PRRC2B: variants seen among roughly 807,000 people sequenced by gnomAD.
The protein encoded by PRRC2B is protein PRRC2B.
PRRC2B carries 68 observed loss-of-function variants against 242.3 expected under a neutral mutation model. The ratio of observed to expected loss-of-function variants is 0.28; its 90% CI spans 0.23 to 0.34. The LOEUF is 0.34. Ranked by LOEUF, PRRC2B falls within the 10% of genes least tolerant of loss-of-function variation. PRRC2B has a pLI of 1.00. For synonymous variants in PRRC2B, 1,228 were observed against 1,173.6 expected (o/e 1.05, Z -0.95); for missense variants, 2,835 against 2,954.8 (o/e 0.96, Z 0.94).
intron 1 of PRRC2B, among the ~76,000 whole-genome samples, chr9:131,420,482 T>TC (rs1837791248): frequency 1.1e-3 from 16 of 15,234 alleles, no homozygotes; most frequent in African/African-American, 2.4e-3. Context: ...TCTTTCTTTC[T>TC]TTCTTTCTTT....
chr9:131,413,359 A>G (rs1045165557), intron 1 of PRRC2B, among the ~76,000 whole-genome samples: 4 of 152,242 alleles, frequency 2.6e-5, no homozygotes, highest in African/African-American at 9.6e-5. Context: ...GGGTGGACGC[A>G]TCAGGTTGTA....
Position 131,476,440 on chromosome 9 carries a change from G to T in PRRC2B, c.4311G>T (p.Pro1437=), listed in dbSNP as rs377656490. 6.2e-7 allele frequency: 1 copy of T among 1,612,848 alleles called. No individual in the cohort carries two copies. Among genetic ancestry groups the T allele is most frequent in the East Asian group, 2.2e-5 (1 of 44,832 alleles). ...VVDRQSRKLE[P]GGFGEKPVRP... ...ACAGACAGAGCCGAAAGCTGGAGCC[G>T]GGAGGGTTTGGGGAGAAGCCCGTTA... The change falls in exon 16 of 32, where the codon CCG becomes CCT. Residue 1437 remains proline, a synonymous_variant. Transcript: ENST00000683519.
At position 131,412,677 on chromosome 9, in the gene PRRC2B, T is replaced by C. The variant is rs1837536651; in HGVS notation, c.-51-17417T>C. 2.0e-5 allele frequency among the ~76,000 whole-genome samples: 3 copies of C among 152,324 alleles called. No individual in the cohort carries two copies. The South Asian group carries it at 6.2e-4, about 32-fold the overall frequency. ...ACCGCTGGATTCCCTGTAATTCTAG[T>C]GAAAATCCCAGCAGCTTTTCTTTTG... On this transcript the variant is annotated intron_variant, in intron 1 of 31. Coordinates refer to ENST00000683519, the MANE Select transcript of PRRC2B (RefSeq NM_013318.4).
intron 5 of PRRC2B, among the ~76,000 whole-genome samples, chr9:131,442,516 G>A (rs116264529): frequency 2.1e-3 from 313 of 152,242 alleles, no homozygotes; most frequent in African/African-American, 7.2e-3. Flanking sequence ...CAGTCTTACC[G>A]TCAGGTTTAT....
intron 1 of PRRC2B, among the ~76,000 whole-genome samples, chr9:131,425,570 G>C (rs558915324): frequency 1.3e-5 from 2 of 151,752 alleles, no homozygotes; most frequent in Non-Finnish European, 2.9e-5. Flanking sequence ...CTCACTGCAA[G>C]CTCCCCTTCT....
chr9:131,483,518 C>T, intron 23 of PRRC2B, 73 bp downstream of exon 23: 3 of 1,339,596 alleles, frequency 2.2e-6, no homozygotes, highest in Admixed American at 1.7e-5. Flanking sequence ...GGAGACAGCA[C>T]ATGTATTTCA....
chr9:131,454,582 T>C (rs1943015260), intron 9 of PRRC2B, among the ~76,000 whole-genome samples: 1 of 151,874 alleles, frequency 6.6e-6, no homozygotes, highest in South Asian at 2.1e-4. Flanking sequence ...GATAGCGAGA[T>C]TTCTGGCCAA....
chr9:131,403,671 AAAAAAAAAC>A (rs1386242467), intron 1 of PRRC2B, among the ~76,000 whole-genome samples: 2 of 46,446 alleles, frequency 4.3e-5, no homozygotes, highest in Admixed American at 3.3e-4. Context: ...TTAAAAAAAA[AAAAAAAAAC>A]AAAATTAAAA....
intron 11 of PRRC2B, among the ~76,000 whole-genome samples, chr9:131,462,603 G>T (rs1361697615): frequency 6.7e-6 from 1 of 149,848 alleles, no homozygotes; most frequent in Admixed American, 6.7e-5. Context: ...ACTTTGGGAG[G>T]CCGAGGCGGG....
chr9:131,468,489 T>G (rs1039070450), intron 13 of PRRC2B, among the ~76,000 whole-genome samples: 1 of 152,176 alleles, frequency 6.6e-6, no homozygotes, highest in African/African-American at 2.4e-5. Context: ...GGGACCTACT[T>G]TTTGTCCTAA....
chr9:131,394,805 G>A (rs867891434), intron 1 of PRRC2B, among the ~76,000 whole-genome samples: 50 of 151,972 alleles, frequency 3.3e-4, no homozygotes, highest in Admixed American at 4.6e-4. Flanking sequence ...GGCCCCGGCG[G>A]CGCTAAAGTT....
intron 1 of PRRC2B, among the ~76,000 whole-genome samples, chr9:131,380,660 C>T (rs1836744939): frequency 6.6e-6 from 1 of 151,426 alleles, no homozygotes; most frequent in South Asian, 2.1e-4. Context: ...GGGAGAATTA[C>T]GAGGTCGGGA....
chr9:131,393,789 T>G (rs1184404614), upstream of PRRC2B, among the ~76,000 whole-genome samples: 1 of 145,190 alleles, frequency 6.9e-6, no homozygotes, highest in African/African-American at 2.6e-5. Flanking sequence ...TGGCCCCTCC[T>G]CCGGGTCTCC....
chr9:131,495,240 A>G (rs1944299014), intron 31 of PRRC2B, among the ~76,000 whole-genome samples: 1 of 151,890 alleles, frequency 6.6e-6, no homozygotes, highest in Non-Finnish European at 1.5e-5. Context: ...GGCCCCAGGG[A>G]AAGGTTACAG....
At chr9:131,430,553 GTGTGTGTAT>G (rs1838122345) in intron 2 of PRRC2B, among the ~76,000 whole-genome samples, 1 of 84,430 alleles carries the variant, frequency 1.2e-5, no homozygotes, top group African/African-American at 4.5e-5. Flanking sequence ...ATCTATAGGT[GTGTGTGTAT>G]GTGTGTGTGT....
At chr9:131,380,703 C>A (rs1836746096) in intron 1 of PRRC2B, among the ~76,000 whole-genome samples, 2 of 151,546 alleles carry the variant, frequency 1.3e-5, no homozygotes, top group Non-Finnish European at 2.9e-5. Context: ...ATGGTGAAAT[C>A]CCATCTCTAC....
At chr9:131,406,086 C>T (rs1837353214) in intron 1 of PRRC2B, among the ~76,000 whole-genome samples, 1 of 152,042 alleles carries the variant, frequency 6.6e-6, no homozygotes, top group African/African-American at 2.4e-5. Flanking sequence ...CTGGATTCAG[C>T]CCTCCCCGGG....
At chr9:131,477,679 T>G in intron 16 of PRRC2B, 65 bp from the exon 17 acceptor site, 5 of 945,236 alleles carry the variant, frequency 5.3e-6, no homozygotes, top group Non-Finnish European at 6.5e-6. Context: ...GTGCAGGCTG[T>G]GTGCACGTGC....
At chr9:131,402,960 GA>G (rs1398141949) in intron 1 of PRRC2B, among the ~76,000 whole-genome samples, 1 of 152,228 alleles carries the variant, frequency 6.6e-6, no homozygotes, top group Non-Finnish European at 1.5e-5. Context: ...TCAACTTCCC[GA>G]CACGCTTCAG....
Sources: allele counts gnomAD v4.1 joint callset (sites outside exome capture counted in the v4.1 genomes callset), GRCh38; gene constraint gnomAD v4.1.1; transcripts MANE v1.5; gene names NCBI Gene and HGNC (gene_info 2026-07-23, HGNC 2026-07-21).